The following LRP1B variants were observed in gnomAD, a reference collection of about 807,000 sequenced individuals.
The protein encoded by LRP1B is low-density lipoprotein receptor-related protein 1B.
LRP1B carries 217 observed loss-of-function variants against 556.6 expected under a neutral mutation model. The ratio of observed to expected loss-of-function variants is 0.39; its 90% confidence interval spans 0.35 to 0.44. LRP1B has a LOEUF of 0.44. Ranked by LOEUF, LRP1B falls within the 20% of genes least tolerant of loss-of-function variation. The pLI is 1.00. For synonymous variants in LRP1B, 2,047 were observed against 1,865.8 expected (o/e 1.10, Z -2.50); for missense variants, 5,053 against 5,620.8 (o/e 0.90, Z 3.23).
intron 20 of LRP1B, among the ~76,000 whole-genome samples, chr2:140,925,705 C>T (rs544687551): frequency 1.3e-5 from 2 of 152,218 alleles, no homozygotes; most frequent in South Asian, 4.1e-4. Context: ...TTGACGAACA[C>T]ACTATTGGTC....
At chr2:140,741,455 A>C (rs1268889674) in intron 35 of LRP1B, among the ~76,000 whole-genome samples, 1 of 152,134 alleles carries the variant, frequency 6.6e-6, no homozygotes, top group African/African-American at 2.4e-5. Flanking sequence ...AGAGACTTAC[A>C]TTGCCAATGT....
chr2:140,264,388 C>T (rs1682091589), intron 86 of LRP1B, among the ~76,000 whole-genome samples: 1 of 152,092 alleles, frequency 6.6e-6, no homozygotes, highest in Admixed American at 6.5e-5. Context: ...GCCATCACAC[C>T]TGGCTAACTT....
intron 41 of LRP1B, among the ~76,000 whole-genome samples, chr2:140,676,547 T>C (rs945057020): frequency 6.6e-6 from 1 of 152,218 alleles, no homozygotes; most frequent in Non-Finnish European, 1.5e-5. Context: ...ATAACTTCTC[T>C]TCACAAAATA....
intron 1 of LRP1B, among the ~76,000 whole-genome samples, chr2:141,901,057 C>T (rs1025930277): frequency 3.3e-5 from 5 of 151,962 alleles, no homozygotes; most frequent in South Asian, 2.1e-4. Context: ...GCAACCAATA[C>T]GGTTCTTCTT....
In LRP1B at chr2:140,254,182, A is replaced by C. The variant is rs114696227; in HGVS notation, c.13248-7020T>G. On this transcript the variant is annotated intron_variant, in intron 86 of 90. Transcript: ENST00000389484. ...GTCTGGCATATTCAACTGCAGGTTA[A>C]TAACTGCACTTTAAAATAAAGCAGT... 1.8e-3 allele frequency among the ~76,000 whole-genome samples: 271 copies of C among 152,320 alleles called. 1 individual carries two copies. The highest frequency in any genetic ancestry group is 5.9e-3 in the African/African-American group (245 of 41,592).
chr2:140,509,920 G>A lies in LRP1B; in HGVS notation c.8398+8C>T, dbSNP rs751465442. Reference sequence around the variant, plus strand: ...TCTTTGACATGCAGCCCTGGCCAGTGTTCATACCGCAGCCTGCTGTGGAAA... The same window carrying A: ...TCTTTGACATGCAGCCCTGGCCAGTATTCATACCGCAGCCTGCTGTGGAAA... On this transcript the variant is annotated splice_region_variant and intron_variant, in intron 52 of 90. Transcript: ENST00000389484. 3 of 1,612,328 alleles carry A rather than the reference G, an allele frequency of 1.9e-6. No homozygotes were observed. Among genetic ancestry groups the A allele is most frequent in the Non-Finnish European group, 2.5e-6 (3 of 1,179,524 alleles).
At position 140,701,830 on chromosome 2, in the gene LRP1B, C is replaced by T. The variant is rs2105426508; in HGVS notation, c.6318G>A (p.Gly2106=). Residue 2106 remains glycine (G), a synonymous_variant, in exon 40 of 91, where the codon GGG becomes GGA. Transcript: ENST00000389484. ...CATTCTTGTGGCCCCTTCTGACAGA[C>T]CCGTTTGCATGTGCTCTGCCAAAAA... ...IYWSDRAHAN[G]SVRRGHKNDA... 1 of 1,613,092 alleles carries T rather than the reference C, an allele frequency of 6.2e-7. No individual in the cohort carries two copies.
intron 3 of LRP1B, among the ~76,000 whole-genome samples, chr2:141,314,245 T>G (rs1419390106): frequency 2.0e-5 from 3 of 152,296 alleles, no homozygotes; most frequent in South Asian, 4.1e-4. Context: ...AGACTTTCCC[T>G]AAGACTTTTG....
At chr2:140,869,944 A>G (rs1693074493) in intron 25 of LRP1B, among the ~76,000 whole-genome samples, 1 of 152,108 alleles carries the variant, frequency 6.6e-6, no homozygotes, top group South Asian at 2.1e-4. Context: ...GGAAATTGCA[A>G]GTTCATGGAA....
At chr2:141,230,296 G>C (rs1166321113) in intron 5 of LRP1B, among the ~76,000 whole-genome samples, 1 of 152,102 alleles carries the variant, frequency 6.6e-6, no homozygotes. Flanking sequence ...AAATCACTTT[G>C]ACCATGAGGT....
At chr2:140,274,721 A>G in intron 84 of LRP1B, 123 bp from the exon 85 acceptor site, 1 of 733,932 alleles carries the variant, frequency 1.4e-6, no homozygotes, top group South Asian at 2.1e-5. Context: ...TTACAAAAGC[A>G]GCTTATAATT....
intron 1 of LRP1B, among the ~76,000 whole-genome samples, chr2:142,027,017 C>A (rs1014807662): frequency 6.6e-6 from 1 of 151,994 alleles, no homozygotes; most frequent in African/African-American, 2.4e-5. Flanking sequence ...GATCTATTCA[C>A]TTGTAGCAGC....
intron 3 of LRP1B, among the ~76,000 whole-genome samples, chr2:141,333,047 A>C (rs564908885): frequency 2.6e-5 from 4 of 152,120 alleles, no homozygotes; most frequent in Non-Finnish European, 4.4e-5. Flanking sequence ...CAAAGTCAAC[A>C]AAAGCCCACA....
chr2:141,110,549 A>T (rs1700723817), intron 7 of LRP1B, among the ~76,000 whole-genome samples: 1 of 152,146 alleles, frequency 6.6e-6, no homozygotes, highest in Non-Finnish European at 1.5e-5. Flanking sequence ...GAAGGTGGAG[A>T]AAAACCTTTA....
At chr2:140,443,051 G>C (rs1686498895) in intron 65 of LRP1B, among the ~76,000 whole-genome samples, 2 of 152,114 alleles carry the variant, frequency 1.3e-5, no homozygotes, top group Admixed American at 1.3e-4. Flanking sequence ...TTATCAAACT[G>C]TCTAGGAATT....
At chr2:140,621,909 T>A (rs2105253190) in intron 41 of LRP1B, among the ~76,000 whole-genome samples, 1 of 152,318 alleles carries the variant, frequency 6.6e-6, no homozygotes, top group South Asian at 2.1e-4. Context: ...AACAAATCAA[T>A]AATTGAAGAA....
chr2:142,115,750 TATATATATGTAATATATATC>T (rs1707229922), intron 1 of LRP1B, among the ~76,000 whole-genome samples: 2 of 23,880 alleles, frequency 8.4e-5, no homozygotes, highest in African/African-American at 4.1e-4. Flanking sequence ...ATATATATAT[TATATATATGTAATATATATC>T]ATATATATGT....
chr2:140,750,981 CT>C (rs1280255594), intron 35 of LRP1B, among the ~76,000 whole-genome samples: 13 of 115,218 alleles, frequency 1.1e-4, no homozygotes, highest in Non-Finnish European at 1.5e-4. Context: ...AGTTATAACT[CT>C]TTTTTTTTCT....
intron 43 of LRP1B, among the ~76,000 whole-genome samples, chr2:140,566,688 GC>G (rs1316759431): frequency 6.6e-6 from 1 of 152,146 alleles, no homozygotes; most frequent in African/African-American, 2.4e-5. Flanking sequence ...TAAAGCTGAA[GC>G]AATGCCTAGC....
Sources: gnomAD v4.1 joint callset for allele counts (sites outside exome capture counted in the v4.1 genomes callset) on GRCh38, gnomAD v4.1.1 for gene constraint, MANE v1.5 for transcripts, NCBI Gene and HGNC (gene_info 2026-07-23, HGNC 2026-07-21) for gene names.